Variants in ADGRD1 observed in about 807,000 individuals in gnomAD.
ADGRD1 encodes the protein adhesion G protein-coupled receptor D1.
ADGRD1 carries 77 observed loss-of-function variants against 113.4 expected under a neutral mutation model. That is an observed-to-expected ratio of 0.68 (90% CI 0.57 to 0.82). The LOEUF is 0.82. ADGRD1 is among the 40% of genes least tolerant of loss of function. The probability of loss-of-function intolerance (pLI) is 0.00; values close to 1 mark genes in which losing one functional copy is unlikely to be tolerated. For missense variants in ADGRD1, 1,036 were observed against 1,139.1 expected (o/e 0.91, Z 1.30); for synonymous variants, 474 against 475.0 (o/e 1.00, Z 0.03).
chr12:131,037,992 C>G (rs1244915605), intron 13 of ADGRD1, among the ~76,000 whole-genome samples: 2 of 151,216 alleles, frequency 1.3e-5, no homozygotes, highest in Non-Finnish European at 3.0e-5. Flanking sequence ...GTCTTACTCA[C>G]TGCACTGGGG....
chr12:130,963,452 G>T lies in ADGRD1; in HGVS notation c.104-3011G>T, dbSNP rs377049105. Among the ~76,000 whole-genome samples the T allele has an allele frequency of 1.1e-4, 16 of 151,982 alleles. No individual in the cohort carries two copies. The East Asian group carries it at 2.1e-3, about 20-fold the overall frequency. ...TCTTCACTCCCAAAACAGCAGTATT[G>T]GTTTCTGCAGTATCTCTCCAGACAT... On this transcript the variant is annotated intron_variant, in intron 2 of 24. Coordinates refer to ENST00000261654, the MANE Select transcript of ADGRD1 (RefSeq NM_198827.5).
At chr12:131,045,805 T>C (rs1004307241) in intron 13 of ADGRD1, among the ~76,000 whole-genome samples, 1 of 152,108 alleles carries the variant, frequency 6.6e-6, no homozygotes, top group African/African-American at 2.4e-5. Context: ...TGCCCTGCGG[T>C]CCTCAGGGCG....
At chr12:131,129,207 C>G (rs1157254663) in intron 20 of ADGRD1, among the ~76,000 whole-genome samples, 14 of 104,084 alleles carry the variant, frequency 1.3e-4, no homozygotes, top group South Asian at 3.5e-4. Flanking sequence ...TGAGTGACAG[C>G]CCCGCCCTGC....
intron 21 of ADGRD1, among the ~76,000 whole-genome samples, chr12:131,132,666 C>T (rs1032204445): frequency 7.2e-5 from 11 of 152,196 alleles, no homozygotes; most frequent in African/African-American, 1.4e-4. Context: ...CGGAGGCCTG[C>T]GCCTGGAGGA....
At chr12:131,029,428 T>C (rs1251801351) in intron 13 of ADGRD1, among the ~76,000 whole-genome samples, 1 of 152,216 alleles carries the variant, frequency 6.6e-6, no homozygotes, top group Non-Finnish European at 1.5e-5. Flanking sequence ...TTTACCCACA[T>C]CAGAAAGGTC....
chr12:131,054,626 G>C (rs942210303), intron 13 of ADGRD1, among the ~76,000 whole-genome samples: 6 of 152,186 alleles, frequency 3.9e-5, no homozygotes, highest in Non-Finnish European at 8.8e-5. Flanking sequence ...TTCTTTCCCT[G>C]TTCTGGGCGC....
At chr12:131,122,709 C>A (rs1051286706) in intron 20 of ADGRD1, among the ~76,000 whole-genome samples, 1 of 152,202 alleles carries the variant, frequency 6.6e-6, no homozygotes, top group Non-Finnish European at 1.5e-5. Context: ...CTGACTTAAA[C>A]CCTCTAGAAC....
At chr12:131,012,776 G>A (rs1343082453) in intron 12 of ADGRD1, among the ~76,000 whole-genome samples, 2 of 152,186 alleles carry the variant, frequency 1.3e-5, no homozygotes, top group African/African-American at 4.8e-5. Flanking sequence ...CCCAAAGGTG[G>A]TTCAGTGGGT....
At chr12:131,087,381 G>A (rs1886543153) in intron 15 of ADGRD1, among the ~76,000 whole-genome samples, 1 of 152,176 alleles carries the variant, frequency 6.6e-6, no homozygotes, top group African/African-American at 2.4e-5. Context: ...AGGAGCCCTT[G>A]GCGCTGCGTG....
chr12:131,065,551 G>A lies in ADGRD1; in HGVS notation c.1474-11250G>A, dbSNP rs757116182. Among the ~76,000 whole-genome samples the A allele has an allele frequency of 2.6e-5, 4 of 152,272 alleles. No individual in the cohort carries two copies. In the South Asian group the frequency reaches 8.3e-4, roughly 32 times the overall value. On this transcript the variant is annotated intron_variant, in intron 13 of 24. Coordinates refer to ENST00000261654, the MANE Select transcript of ADGRD1 (RefSeq NM_198827.5). Reference sequence around the variant, plus strand: ...TGTCACTGTCTGTGTTTCCTGATACGGATCTGTCCTGGGTTGGGCAGCTTC... The same window carrying A: ...TGTCACTGTCTGTGTTTCCTGATACAGATCTGTCCTGGGTTGGGCAGCTTC...
intron 15 of ADGRD1, among the ~76,000 whole-genome samples, chr12:131,101,889 G>A (rs904812559): frequency 6.6e-6 from 1 of 152,076 alleles, no homozygotes; most frequent in East Asian, 1.9e-4. Context: ...TCCTGTATTT[G>A]GTTTTATTCT....
intron 13 of ADGRD1, among the ~76,000 whole-genome samples, chr12:131,040,511 T>C (rs993020154): frequency 2.0e-5 from 3 of 152,366 alleles, no homozygotes; most frequent in East Asian, 3.9e-4. Context: ...ACTCACACGC[T>C]TCTCATACTT....
intron 12 of ADGRD1, among the ~76,000 whole-genome samples, chr12:131,012,286 T>TG (rs1878022138): frequency 6.6e-6 from 1 of 151,742 alleles, no homozygotes; most frequent in African/African-American, 2.4e-5. Flanking sequence ...CATTTTTTTT[T>TG]TTTTTTAAGT....
intron 6 of ADGRD1, 154 bp downstream of exon 6, chr12:130,987,503 G>C: frequency 4.1e-6 from 3 of 727,230 alleles, no homozygotes; most frequent in Non-Finnish European, 6.7e-6. Context: ...TTGTGTGTTA[G>C]AACACCTGTT....
At chr12:131,058,223 GATC>G (rs1884039487) in intron 13 of ADGRD1, among the ~76,000 whole-genome samples, 4 of 152,182 alleles carry the variant, frequency 2.6e-5, no homozygotes, top group Admixed American at 2.6e-4. Flanking sequence ...TCAGATTCCA[GATC>G]CTACAGAACA....
chr12:131,037,784 C>A, intron 13 of ADGRD1, among the ~76,000 whole-genome samples: 2 of 76,910 alleles, frequency 2.6e-5, no homozygotes. Flanking sequence ...GCCGCACTCA[C>A]TGCACCGGGT....
At chr12:131,121,345 G>A (rs1306775816) in intron 20 of ADGRD1, among the ~76,000 whole-genome samples, 2 of 152,200 alleles carry the variant, frequency 1.3e-5, no homozygotes, top group Non-Finnish European at 2.9e-5. Context: ...ACAGTGGTTT[G>A]CAAGTGACAG....
chr12:130,991,812 C>G (rs1874423595), intron 7 of ADGRD1, among the ~76,000 whole-genome samples: 1 of 151,898 alleles, frequency 6.6e-6, no homozygotes, highest in Non-Finnish European at 1.5e-5. Context: ...ACAGTGAAAC[C>G]CCATCTCTAT....
At chr12:131,124,969 C>A (rs548561557) in intron 20 of ADGRD1, among the ~76,000 whole-genome samples, 1 of 152,138 alleles carries the variant, frequency 6.6e-6, no homozygotes. Flanking sequence ...AGTCCAAGAT[C>A]GAGGTGTCGT....
Sources: allele counts gnomAD v4.1 joint callset (sites outside exome capture counted in the v4.1 genomes callset), GRCh38; gene constraint gnomAD v4.1.1; transcripts MANE v1.5; gene names NCBI Gene and HGNC (gene_info 2026-07-23, HGNC 2026-07-21).